Variants in SPOCK1 observed in about 807,000 individuals in gnomAD.
The protein encoded by SPOCK1 is testican-1.
A neutral mutation model predicts 55.3 loss-of-function variants in SPOCK1; 23 were observed. The ratio of observed to expected loss-of-function variants is 0.42; its 90% CI spans 0.30 to 0.59. SPOCK1 has a LOEUF of 0.59. Ranked by LOEUF, SPOCK1 falls within the 20% of genes least tolerant of loss-of-function variation. The pLI is 0.22. For missense variants in SPOCK1, 499 were observed against 552.5 expected (o/e 0.90, Z 0.97); for synonymous variants, 226 against 221.0 (o/e 1.02, Z -0.20).
intron 6 of SPOCK1, among the ~76,000 whole-genome samples, chr5:137,053,178 G>A (rs1158507774): frequency 1.3e-5 from 2 of 152,164 alleles, no homozygotes; most frequent in Non-Finnish European, 2.9e-5. Flanking sequence ...TGACCTCTGA[G>A]CCACACTGTG....
At chr5:137,108,304 T>C (rs895676101) in intron 5 of SPOCK1, among the ~76,000 whole-genome samples, 2 of 152,222 alleles carry the variant, frequency 1.3e-5, no homozygotes, top group African/African-American at 4.8e-5. Flanking sequence ...GGGTCTAGAA[T>C]TGTCCTCTGC....
At chr5:137,117,322 C>T (rs1009522969) in intron 4 of SPOCK1, among the ~76,000 whole-genome samples, 2 of 152,250 alleles carry the variant, frequency 1.3e-5, no homozygotes, top group African/African-American at 4.8e-5. Flanking sequence ...AAATCCATTG[C>T]TTTCTGTGAA....
intron 2 of SPOCK1, among the ~76,000 whole-genome samples, chr5:137,319,527 G>C (rs1166393715): frequency 6.6e-6 from 1 of 152,154 alleles, no homozygotes; most frequent in Non-Finnish European, 1.5e-5. Flanking sequence ...GTTTTCAGTA[G>C]AGTGATGCTA....
chr5:137,335,570 A>G (rs960248338), intron 2 of SPOCK1, among the ~76,000 whole-genome samples: 2 of 152,220 alleles, frequency 1.3e-5, no homozygotes, highest in Non-Finnish European at 2.9e-5. Context: ...GCCAAGTTTG[A>G]GACGACACTG....
At chr5:137,264,036 T>C (rs888640825) in intron 3 of SPOCK1, among the ~76,000 whole-genome samples, 10 of 152,002 alleles carry the variant, frequency 6.6e-5, no homozygotes, top group Non-Finnish European at 1.3e-4. Flanking sequence ...CTTGAATACT[T>C]TGAGTCTTCT....
At chr5:137,420,907 C>A (rs1752478290) in intron 2 of SPOCK1, among the ~76,000 whole-genome samples, 1 of 152,218 alleles carries the variant, frequency 6.6e-6, no homozygotes, top group Non-Finnish European at 1.5e-5. Context: ...AATTTTAGAT[C>A]TTTCCTGCTT....
intron 2 of SPOCK1, among the ~76,000 whole-genome samples, chr5:137,446,513 G>A (rs1199554824): frequency 6.6e-6 from 1 of 152,120 alleles, no homozygotes; most frequent in Non-Finnish European, 1.5e-5. Flanking sequence ...AGTCTAACCT[G>A]GATTCTGAGG....
chr5:137,222,722 A>C (rs6888866), intron 3 of SPOCK1, among the ~76,000 whole-genome samples: 63,039 of 152,066 alleles, frequency 0.41, 13,717 homozygotes, highest in Middle Eastern at 0.48. Flanking sequence ...AGTCAAATTC[A>C]TTCAACACAA....
chr5:137,256,179 A>G (rs1756626571), intron 3 of SPOCK1, among the ~76,000 whole-genome samples: 1 of 152,156 alleles, frequency 6.6e-6, no homozygotes, highest in South Asian at 2.1e-4. Context: ...AGACTTGTGC[A>G]TGTGTGCATG....
At chr5:137,060,407 A>G (rs1752375360) in intron 6 of SPOCK1, among the ~76,000 whole-genome samples, 2 of 152,186 alleles carry the variant, frequency 1.3e-5, no homozygotes, top group African/African-American at 2.4e-5. Context: ...CTGAGTATAC[A>G]TGGACACAAA....
intron 3 of SPOCK1, among the ~76,000 whole-genome samples, chr5:137,203,786 A>G (rs1480726353): frequency 6.6e-6 from 1 of 152,226 alleles, no homozygotes; most frequent in South Asian, 2.1e-4. Flanking sequence ...AACGTTGCAC[A>G]TGTAAACAAG....
At chr5:137,009,432 T>C (rs1161677225) in intron 6 of SPOCK1, among the ~76,000 whole-genome samples, 1 of 152,206 alleles carries the variant, frequency 6.6e-6, no homozygotes, top group Non-Finnish European at 1.5e-5. Context: ...AAGTGCAGAA[T>C]AGTGTATATT....
intron 3 of SPOCK1, among the ~76,000 whole-genome samples, chr5:137,206,575 G>C (rs1199361411): frequency 6.6e-6 from 1 of 152,234 alleles, no homozygotes; most frequent in Non-Finnish European, 1.5e-5. Context: ...GCCCCACCGT[G>C]TGTCTGTTTC....
At chr5:137,338,619 G>C (rs1750342374) in intron 2 of SPOCK1, among the ~76,000 whole-genome samples, 1 of 151,732 alleles carries the variant, frequency 6.6e-6, no homozygotes, top group African/African-American at 2.4e-5. Context: ...GGTTGAACTA[G>C]TTTACAGTCC....
chr5:137,120,257 G>A (rs965197218), intron 4 of SPOCK1, among the ~76,000 whole-genome samples: 4 of 152,082 alleles, frequency 2.6e-5, no homozygotes, highest in Non-Finnish European at 5.9e-5. Flanking sequence ...TCATCCCAGG[G>A]CATGCTTTCC....
At chr5:136,980,162 C>A (rs1258283878) in intron 9 of SPOCK1, among the ~76,000 whole-genome samples, 1 of 140,430 alleles carries the variant, frequency 7.1e-6, no homozygotes, top group Non-Finnish European at 1.5e-5. Flanking sequence ...GTTGCTATTA[C>A]TATCTCCCTG....
chr5:137,457,769 A>G (rs1276723882), intron 2 of SPOCK1, among the ~76,000 whole-genome samples: 1 of 152,240 alleles, frequency 6.6e-6, no homozygotes, highest in Non-Finnish European at 1.5e-5. Context: ...TATTTCAACA[A>G]GAACATATTG....
At chr5:137,317,762 A>G (rs1757906629) in intron 2 of SPOCK1, among the ~76,000 whole-genome samples, 1 of 152,222 alleles carries the variant, frequency 6.6e-6, no homozygotes, top group Non-Finnish European at 1.5e-5. Flanking sequence ...ATTCATGACA[A>G]AAGAGAGAAT....
At chr5:137,035,497 G>A (rs555263129) in intron 6 of SPOCK1, among the ~76,000 whole-genome samples, 3 of 152,348 alleles carry the variant, frequency 2.0e-5, no homozygotes, top group South Asian at 4.1e-4. Flanking sequence ...AATTAGGAAG[G>A]GAGAGGAGGA....
Sources: gnomAD v4.1 joint callset for allele counts (sites outside exome capture counted in the v4.1 genomes callset) on GRCh38, gnomAD v4.1.1 for gene constraint, MANE v1.5 for transcripts, NCBI Gene and HGNC (gene_info 2026-07-23, HGNC 2026-07-21) for gene names.